The following ARID3B variants were observed in gnomAD, a reference collection of about 807,000 sequenced individuals.
ARID3B encodes the protein AT-rich interaction domain 3B, also known as AT-rich interactive domain-containing protein 3B.
ARID3B carries 10 observed loss-of-function variants against 51.9 expected under a neutral mutation model. The ratio of observed to expected loss-of-function variants is 0.19; its 90% CI spans 0.12 to 0.33. The LOEUF (loss-of-function observed/expected upper bound fraction) is 0.33. Ranked by LOEUF, ARID3B falls within the 10% of genes least tolerant of loss-of-function variation. ARID3B has a pLI of 1.00. For missense variants in ARID3B, 483 were observed against 716.3 expected (o/e 0.67, Z 3.72); for synonymous variants, 205 against 279.5 (o/e 0.73, Z 2.66).
At chr15:74,571,317 G>C (rs2061718274) in intron 2 of ARID3B, among the ~76,000 whole-genome samples, 1 of 152,184 alleles carries the variant, frequency 6.6e-6, no homozygotes, top group South Asian at 2.1e-4. Context: ...AGATTCCTGA[G>C]TAGTCCAAAG....
chr15:74,544,010 T>C lies in ARID3B; in HGVS notation c.74T>C (p.Met25Thr). 1 of 1,611,332 alleles carries C rather than the reference T, an allele frequency of 6.2e-7. No individual in the cohort carries two copies. The highest frequency in any genetic ancestry group is 8.5e-7 in the Non-Finnish European group (1 of 1,178,906). The change falls in exon 2 of 9, where the codon ATG (methionine) becomes ACG (threonine). Residue 25 changes from methionine (M) to threonine (T), a missense_variant. By Grantham distance (81) the Met-to-Thr change is moderately conservative (BLOSUM62 -1). This residue lies in a region of ARID3B where 182 missense variants were observed against 244.5 expected (regional missense o/e 0.74). Coordinates refer to ENST00000346246, the MANE Select transcript of ARID3B (RefSeq NM_006465.4). ...QKQPHLAPLQMDAREKQGQQM... is the reference protein window; with the variant it reads ...QKQPHLAPLQTDAREKQGQQM... ...CAGCCACACCTGGCTCCTCTGCAGA[T>C]GGATGCCAGAGAGAAGCAGGGCCAG...
chr15:74,567,545 A>G (rs2141461601), intron 2 of ARID3B, among the ~76,000 whole-genome samples: 1 of 152,054 alleles, frequency 6.6e-6, no homozygotes, highest in South Asian at 2.1e-4. Flanking sequence ...TTTGCTTCTC[A>G]GGACAGAAAG....
rs755945102 is a variant in ARID3B at position 74,589,947 on chromosome 15, C to T, written c.825C>T (p.Thr275=). The change falls in exon 5 of 9, where the codon ACC becomes ACT. Residue 275 remains threonine, a synonymous_variant. Coordinates refer to ENST00000346246, the MANE Select transcript of ARID3B (RefSeq NM_006465.4). Reference sequence around the variant, plus strand: ...ACAAGAAGATCTGGAGGGAGATCACCAAAGGCCTAAACCTGCCCACATCCA... The same window carrying T: ...ACAAGAAGATCTGGAGGGAGATCACTAAAGGCCTAAACCTGCCCACATCCA... ...IINKKIWREI[T]KGLNLPTSIT... The T allele has an allele frequency of 6.2e-7, 1 of 1,614,062 alleles. No individual in the cohort carries two copies. Among genetic ancestry groups the T allele is most frequent in the South Asian group, 1.1e-5 (1 of 91,058 alleles).
At chr15:74,567,871 T>C (rs1198745480) in intron 2 of ARID3B, among the ~76,000 whole-genome samples, 1 of 152,216 alleles carries the variant, frequency 6.6e-6, no homozygotes, top group Non-Finnish European at 1.5e-5. Context: ...TGAAATGGGT[T>C]CCAGGGTTGA....
intron 2 of ARID3B, among the ~76,000 whole-genome samples, chr15:74,568,905 C>A (rs2061709422): frequency 6.6e-6 from 1 of 152,214 alleles, no homozygotes; most frequent in Non-Finnish European, 1.5e-5. Flanking sequence ...GTTAAACTTG[C>A]ATGCAGCAAC....
intron 4 of ARID3B, among the ~76,000 whole-genome samples, chr15:74,585,914 G>A (rs561483660): frequency 5.2e-4 from 79 of 152,342 alleles, no homozygotes; most frequent in Non-Finnish European, 1.8e-4. Context: ...GGGAGAAAGC[G>A]CCACTGTCAT....
At chr15:74,581,930 G>A (rs570367909) in intron 4 of ARID3B, among the ~76,000 whole-genome samples, 1 of 152,288 alleles carries the variant, frequency 6.6e-6, no homozygotes, top group South Asian at 2.1e-4. Context: ...TTACACCATG[G>A]GGAAGTTCTG....
chr15:74,569,129 G>A (rs1339387206), intron 2 of ARID3B, among the ~76,000 whole-genome samples: 1 of 152,124 alleles, frequency 6.6e-6, no homozygotes, highest in Non-Finnish European at 1.5e-5. Flanking sequence ...TCTATTGATA[G>A]GCCAAGAAAC....
In ARID3B at chr15:74,544,617, A is replaced by G. The variant is rs957145753; in HGVS notation, c.552+129A>G. On this transcript the variant is annotated intron_variant, in intron 2 of 8. Coordinates refer to ENST00000346246, the MANE Select transcript of ARID3B (RefSeq NM_006465.4). Reference sequence around the variant, plus strand: ...CACTTCGGTGACCAACAGCCTAGACATGAATAGACTTTGGATTTTTTTCTT... The same window carrying G: ...CACTTCGGTGACCAACAGCCTAGACGTGAATAGACTTTGGATTTTTTTCTT... 9 of 801,988 alleles carry G rather than the reference A, an allele frequency of 1.1e-5. No individual in the cohort carries two copies. The African/African-American group carries it at 1.6e-4, about 14-fold the overall frequency. The allele number at this position is 801,988 out of a possible 1,614,324, so 49.7% of individuals were successfully genotyped here.
At chr15:74,585,528 G>A (rs950123190) in intron 4 of ARID3B, among the ~76,000 whole-genome samples, 1 of 152,158 alleles carries the variant, frequency 6.6e-6, no homozygotes, top group Non-Finnish European at 1.5e-5. Context: ...TCTCCCTTTG[G>A]TAATAATCAC....
intron 2 of ARID3B, among the ~76,000 whole-genome samples, chr15:74,555,705 C>T (rs138635161): frequency 6.6e-6 from 1 of 151,910 alleles, no homozygotes; most frequent in African/African-American, 2.4e-5. Context: ...GAATCCTTTC[C>T]AGAAGGTTTC....
At chr15:74,543,163 T>C (rs933257999) in intron 1 of ARID3B, among the ~76,000 whole-genome samples, 1 of 152,256 alleles carries the variant, frequency 6.6e-6, no homozygotes, top group Non-Finnish European at 1.5e-5. Context: ...TTTGAGACTC[T>C]TGCCTCCTTG....
intron 4 of ARID3B, among the ~76,000 whole-genome samples, chr15:74,585,475 A>G (rs2061777352): frequency 6.6e-6 from 1 of 152,234 alleles, no homozygotes; most frequent in South Asian, 2.1e-4. Context: ...GCCACTTGAC[A>G]ATATTACTCT....
intron 2 of ARID3B, among the ~76,000 whole-genome samples, chr15:74,544,722 A>C: frequency 1.5e-5 from 2 of 131,880 alleles, no homozygotes; most frequent in East Asian, 2.1e-4. Context: ...ATGGAGTCTC[A>C]CTCTGTCACC....
rs1416269691 is a variant in ARID3B, at chr15:74,597,871, G to GC, written c.*2098dup. On this transcript the variant is annotated 3_prime_UTR_variant, in exon 9 of 9. Coordinates refer to ENST00000346246, the MANE Select transcript of ARID3B (RefSeq NM_006465.4). ...ACCCAGAGCCCGATGAGGGGTGCCA[G>GC]CAGGTGCCCCCACGAGTGGGGCCTT... is the stretch of plus-strand genomic sequence containing the variant. 1.9e-6 allele frequency: 1 copy of GC among 527,726 alleles called. No individual in the cohort carries two copies. The highest frequency in any genetic ancestry group is 4.0e-5 in the East Asian group (1 of 25,274). 32.7% of individuals were successfully genotyped at this position (527,726 alleles called of 1,614,324 possible).
intron 2 of ARID3B, among the ~76,000 whole-genome samples, chr15:74,550,345 A>G (rs776807060): frequency 1.1e-4 from 17 of 152,118 alleles, no homozygotes; most frequent in Non-Finnish European, 2.4e-4. Flanking sequence ...TTACCTAGTA[A>G]CAGATTTAAT....
In ARID3B at chr15:74,595,821, A is replaced by G; in HGVS notation, c.*47A>G. The G allele has an allele frequency of 1.3e-6, 2 of 1,562,170 alleles. No individual in the cohort carries two copies. Among genetic ancestry groups the G allele is most frequent in the Non-Finnish European group, 1.7e-6 (2 of 1,153,394 alleles). On this transcript the variant is annotated 3_prime_UTR_variant, in exon 9 of 9. Transcript: ENST00000346246. ...CTTGCCACTCTCCTGTCGAGAGTGA[A>G]GGAAGTTGATGCACAGAATTTACCT...
intron 2 of ARID3B, among the ~76,000 whole-genome samples, chr15:74,549,057 A>T (rs1251541370): frequency 6.6e-6 from 1 of 151,208 alleles, no homozygotes; most frequent in African/African-American, 2.4e-5. Context: ...GTCCCTTGGG[A>T]TAGGCCTACT....
chr15:74,580,834 TGGCCTGCCTCCACA>T (rs2061759547), intron 4 of ARID3B, among the ~76,000 whole-genome samples: 1 of 152,086 alleles, frequency 6.6e-6, no homozygotes, highest in Admixed American at 6.5e-5. Flanking sequence ...AAGAGGGTGG[TGGCCTGCCTCCACA>T]GGCCACCGTT....
Sources: gnomAD v4.1 joint callset for allele counts (sites outside exome capture counted in the v4.1 genomes callset) on GRCh38, gnomAD v4.1.1 for gene constraint, gnomAD v4.1.1 regional missense constraint, MANE v1.5 for transcripts, NCBI Gene and HGNC (gene_info 2026-07-23, HGNC 2026-07-21) for gene names.